WDR64: variants seen among roughly 807,000 people sequenced by gnomAD.
The protein encoded by WDR64 is WD repeat-containing protein 64.
A neutral mutation model predicts 139.3 loss-of-function variants in WDR64; 112 were observed. The ratio of observed to expected loss-of-function variants is 0.80; its 90% CI spans 0.69 to 0.94. The LOEUF (loss-of-function observed/expected upper bound fraction) is 0.94, where lower values mean the gene tolerates loss of function less well. WDR64 is among the 40% of genes least tolerant of loss of function. The probability of loss-of-function intolerance (pLI) is 0.00; values close to 1 mark genes in which losing one functional copy is unlikely to be tolerated. For synonymous variants in WDR64, 444 were observed against 437.7 expected (o/e 1.01, Z -0.18); for missense variants, 1,206 against 1,293.1 (o/e 0.93, Z 1.03).
Position 241,775,169 on chromosome 1 carries a change from A to G in WDR64, c.2495A>G (p.Tyr832Cys), listed in dbSNP as rs1355407094. The G allele has an allele frequency of 1.9e-6, 3 of 1,550,968 alleles. No individual in the cohort carries two copies. Among genetic ancestry groups the G allele is most frequent in the Admixed American group, 3.9e-5 (2 of 50,984 alleles). Residue 832 changes from tyrosine (Y) to cysteine (C), a missense_variant, in exon 21 of 28, where the codon TAT (tyrosine) becomes TGT (cysteine). Tyr to Cys is a radical substitution (Grantham distance 194). Coordinates refer to ENST00000437684, the MANE Select transcript of WDR64 (RefSeq NM_001367482.1). ...TCTGCCATTTCTCTGACATCGCTGT[A>G]TACTGATTCATGTACGAGGATACTA... ...KHSAISLTSL[Y>C]TDSCTRILLA... is the part of the protein sequence containing the mutation.
intron 2 of WDR64, among the ~76,000 whole-genome samples, chr1:241,662,396 T>G (rs1483770012): frequency 1.3e-5 from 2 of 152,146 alleles, no homozygotes; most frequent in East Asian, 3.9e-4. Context: ...CTTGCCGTTG[T>G]AAGTCTCAAG....
intron 10 of WDR64, among the ~76,000 whole-genome samples, chr1:241,727,005 G>A (rs10754734): frequency 0.42 from 63,262 of 151,712 alleles, 13,325 homozygotes; most frequent in South Asian, 0.48. Context: ...TCCTGCCTCA[G>A]CCTCCCAAGT....
intron 8 of WDR64, among the ~76,000 whole-genome samples, chr1:241,692,234 A>G (rs939494800): frequency 2.6e-5 from 4 of 152,176 alleles, no homozygotes; most frequent in African/African-American, 9.7e-5. Flanking sequence ...TCCCAACTTG[A>G]TATGTAGAGT....
chr1:241,752,610 G>A (rs756679782), intron 14 of WDR64, among the ~76,000 whole-genome samples: 2 of 152,180 alleles, frequency 1.3e-5, no homozygotes, highest in Non-Finnish European at 2.9e-5. Context: ...AGCACTTTGG[G>A]AGGCCAAGGC....
intron 10 of WDR64, among the ~76,000 whole-genome samples, chr1:241,735,857 G>C (rs35639402): frequency 0.015 from 943 of 61,678 alleles, 4 homozygotes; most frequent in East Asian, 0.056. Context: ...CTCTCTCTCT[G>C]TGTGTGTGTG....
chr1:241,676,333 T>C (rs1352153052), intron 4 of WDR64: 1 of 152,240 alleles, frequency 6.6e-6, no homozygotes, highest in Non-Finnish European at 1.5e-5. Context: ...TTAATACTCA[T>C]GAAGTGCTTA....
chr1:241,784,976 A>AAAAAAAAAAAG lies in WDR64; in HGVS notation c.2705+1595_2705+1596insAAAAAAAAAAG, dbSNP rs138513526. On this transcript the variant is annotated intron_variant, in intron 23 of 27. Coordinates refer to ENST00000437684, the MANE Select transcript of WDR64 (RefSeq NM_001367482.1). Reference sequence around the variant, plus strand: ...CTGAAAAAAAAAAAAAAAAAAAAAAAGAAAGGACATCTGCTGTTTTATTTG... The same window carrying AAAAAAAAAAAG: ...CTGAAAAAAAAAAAAAAAAAAAAAAAAAAAAAAAAAGGAAAGGACATCTGCTGTTTTATTTG... 1.9e-4 allele frequency among the ~76,000 whole-genome samples: 19 copies of AAAAAAAAAAAG among 98,398 alleles called. 3 individuals are homozygous for AAAAAAAAAAAG. Among genetic ancestry groups the AAAAAAAAAAAG allele is most frequent in the East Asian group, 3.2e-4 (1 of 3,122 alleles). 64.6% of individuals were successfully genotyped at this position (98,398 alleles called of 152,430 possible).
intron 9 of WDR64, among the ~76,000 whole-genome samples, chr1:241,713,446 AAAGGAAGGAAAGG>A (rs1668270718): frequency 7.3e-6 from 1 of 137,734 alleles, no homozygotes; most frequent in Non-Finnish European, 1.6e-5. Context: ...GGAAGGAAAG[AAAGGAAGGAAAGG>A]AAGGAAGGAA....
chr1:241,749,742 A>T lies in WDR64; in HGVS notation c.1770+20A>T, dbSNP rs533086162. ...ATCCAGGTTTACAATCCCACTTCAT[A>T]CTCGTACTGCAGGTGCCCTTTTTGG... On this transcript the variant is annotated intron_variant, in intron 14 of 27. Transcript: ENST00000437684. The T allele has an allele frequency of 1.4e-5, 23 of 1,595,458 alleles. No homozygotes were observed. In the South Asian group the frequency reaches 2.1e-4, roughly 15 times the overall value.
intron 25 of WDR64, among the ~76,000 whole-genome samples, chr1:241,794,803 G>A (rs548072457): frequency 6.6e-6 from 1 of 152,018 alleles, no homozygotes; most frequent in African/African-American, 2.4e-5. Flanking sequence ...CACCGTGCCC[G>A]GCCGCTTTAT....
chr1:241,758,691 G>A (rs1670306187), intron 15 of WDR64, among the ~76,000 whole-genome samples: 1 of 152,014 alleles, frequency 6.6e-6, no homozygotes, highest in South Asian at 2.1e-4. Context: ...AAACTGGTTG[G>A]AGCCTCTTCA....
chr1:241,683,204 G>T (rs181817040), intron 6 of WDR64, among the ~76,000 whole-genome samples: 8 of 152,150 alleles, frequency 5.3e-5, no homozygotes, highest in East Asian at 1.9e-4. Flanking sequence ...TCCAAAAAAA[G>T]GCCATTTACA....
At chr1:241,680,990 A>G (rs1293889516) in intron 6 of WDR64, among the ~76,000 whole-genome samples, 5 of 152,090 alleles carry the variant, frequency 3.3e-5, no homozygotes, top group Admixed American at 3.3e-4. Flanking sequence ...ACTGGAAACC[A>G]CATCCTTACT....
intron 14 of WDR64, among the ~76,000 whole-genome samples, chr1:241,754,260 C>T (rs968662370): frequency 6.7e-6 from 1 of 148,892 alleles, no homozygotes. Flanking sequence ...TTTTTATATA[C>T]TTTGAGGTCT....
At chr1:241,799,367 ACT>A (rs1448460016) in intron 27 of WDR64, among the ~76,000 whole-genome samples, 7 of 149,218 alleles carry the variant, frequency 4.7e-5, no homozygotes, top group African/African-American at 1.7e-4. Context: ...ACAGAATGAA[ACT>A]CTGTCTCAAA....
intron 8 of WDR64, among the ~76,000 whole-genome samples, chr1:241,696,888 A>C (rs565684339): frequency 1.9e-4 from 29 of 152,280 alleles, no homozygotes; most frequent in Non-Finnish European, 3.4e-4. Flanking sequence ...AATGTAGCCC[A>C]GCAGGACTCA....
chr1:241,755,341 T>C lies in WDR64; in HGVS notation c.1771-1942T>C, dbSNP rs556051815. ...ACCAGTGATGATGAGCTTTTTTTCA[T>C]GTTTGTTGGCTGCATAAATGTCTTC... On this transcript the variant is annotated intron_variant, in intron 14 of 27. Coordinates refer to ENST00000437684, the MANE Select transcript of WDR64 (RefSeq NM_001367482.1). 6.6e-5 allele frequency among the ~76,000 whole-genome samples: 10 copies of C among 152,358 alleles called. No homozygotes were observed. The South Asian group carries it at 1.5e-3, about 22-fold the overall frequency.
In WDR64 at chr1:241,801,264, A is replaced by G. The variant is rs1434119317; in HGVS notation, c.*49A>G. ...CTGCACATAAAATGGCAACGTTTGG[A>G]TGATACCTGCTCTTTATTTCAGGAT... On this transcript the variant is annotated 3_prime_UTR_variant, in exon 28 of 28. Transcript: ENST00000437684. The G allele has an allele frequency of 2.7e-6, 4 of 1,463,650 alleles. No homozygotes were observed. Among genetic ancestry groups the G allele is most frequent in the Non-Finnish European group, 3.8e-6 (4 of 1,044,624 alleles). The allele number at this position is 1,463,650 out of a possible 1,614,324, so 90.7% of individuals were successfully genotyped here.
At chr1:241,749,815 T>C (rs1283544320) in intron 14 of WDR64, 93 bp downstream of exon 14, 1 of 1,368,650 alleles carries the variant, frequency 7.3e-7, no homozygotes, top group Admixed American at 2.0e-5. Context: ...AACCCCGCTC[T>C]TGGTAGCCAG....
Sources: gnomAD v4.1 joint callset for allele counts (sites outside exome capture counted in the v4.1 genomes callset) on GRCh38, gnomAD v4.1.1 for gene constraint, MANE v1.5 for transcripts, NCBI Gene and HGNC (gene_info 2026-07-23, HGNC 2026-07-21) for gene names.